The following SETDB2 variants were observed in gnomAD, a reference collection of about 807,000 sequenced individuals.
The protein encoded by SETDB2 is histone-lysine N-methyltransferase SETDB2.
In SETDB2, 56 loss-of-function variants were observed where a neutral mutation model predicts 82.5. The observed-to-expected ratio is 0.68, with a 90% CI of 0.55 to 0.85. SETDB2 has a LOEUF of 0.85. Ranked by LOEUF, SETDB2 falls within the 40% of genes least tolerant of loss-of-function variation. The probability of loss-of-function intolerance (pLI) is 0.00; values close to 1 mark genes in which losing one functional copy is unlikely to be tolerated. For missense variants in SETDB2, 677 were observed against 816.4 expected, an observed-to-expected ratio of 0.83 and a Z score of 2.08; for synonymous variants, 272 against 284.9, an observed-to-expected ratio of 0.95 and a Z score of 0.46.
intron 2 of SETDB2, among the ~76,000 whole-genome samples, chr13:49,459,238 A>G (rs1957946969): frequency 1.3e-5 from 2 of 152,208 alleles, no homozygotes; most frequent in South Asian, 4.1e-4. Context: ...CCCCTTATGC[A>G]GATTCTCCCT....
intron 4 of SETDB2, among the ~76,000 whole-genome samples, chr13:49,464,341 T>C (rs1352789138): frequency 6.6e-6 from 1 of 152,224 alleles, no homozygotes; most frequent in Admixed American, 6.5e-5. Flanking sequence ...GACAACTTCT[T>C]CCTGTATTTG....
At chr13:49,465,066 C>A (rs1958074733) in intron 4 of SETDB2, among the ~76,000 whole-genome samples, 1 of 123,178 alleles carries the variant, frequency 8.1e-6, no homozygotes, top group Non-Finnish European at 1.8e-5. Context: ...AGAGTGAGAC[C>A]CTGTCTAAAA....
chr13:49,466,811 C>CTTTTTTTTTTTTTT (rs3039228), intron 4 of SETDB2, among the ~76,000 whole-genome samples: 2 of 116,764 alleles, frequency 1.7e-5, no homozygotes, highest in African/African-American at 3.3e-5. Flanking sequence ...GCCTGGCTAA[C>CTTTTTTTTTTTTTT]TTTTTTTTTT....
chr13:49,481,033 A>G lies in SETDB2; in HGVS notation c.1073A>G (p.Gln358Arg). 4 of 1,614,238 alleles carry G rather than the reference A, an allele frequency of 2.5e-6. No homozygotes were observed. The highest frequency in any genetic ancestry group is 1.7e-6 in the Non-Finnish European group (2 of 1,180,014). The change falls in exon 8 of 14, where the codon CAG becomes CGG. Residue 358 changes from glutamine (Q) to arginine (R), a missense_variant. Transcript: ENST00000611815. ...CAACATGGTCCTCAAGTGAGGTTAC[A>G]GGTGTTCAAAACTGAGCAGAAGGGA... ...VVQHGPQVRL[Q>R]VFKTEQKGWG...
At chr13:49,463,540 A>C (rs1400262512) in intron 4 of SETDB2, among the ~76,000 whole-genome samples, 2 of 152,228 alleles carry the variant, frequency 1.3e-5, no homozygotes, top group African/African-American at 4.8e-5. Flanking sequence ...GTACAGAGGC[A>C]GAACAAAGAC....
Position 49,493,510 on chromosome 13 carries a change from T to G in SETDB2, c.*1661T>G, listed in dbSNP as rs1007163634. On this transcript the variant is annotated 3_prime_UTR_variant, in exon 14 of 14. Coordinates refer to ENST00000611815, the MANE Select transcript of SETDB2 (RefSeq NM_001160308.3). ...TTCCATCAGTACCCCAGAGATTCAC[T>G]TTGTCTCTTATGTGGGATCTGTTTC... 1.3e-5 allele frequency: 2 copies of G among 152,254 alleles called. No homozygotes were observed. Among genetic ancestry groups the G allele is most frequent in the Non-Finnish European group, 1.5e-5 (1 of 68,040 alleles). The allele number at this position is 152,254 out of a possible 1,614,324, so 9.4% of individuals were successfully genotyped here. A position where few individuals can be genotyped will look rare whatever the true frequency, so the allele number is the denominator to read the frequency against.
At chr13:49,449,125 TG>T (rs1479099348) in intron 1 of SETDB2, among the ~76,000 whole-genome samples, 1 of 152,264 alleles carries the variant, frequency 6.6e-6, no homozygotes, top group Non-Finnish European at 1.5e-5. Flanking sequence ...ATCTGGGTTT[TG>T]CTTGCCATCC....
At chr13:49,452,139 G>A (rs531299196) in intron 2 of SETDB2, among the ~76,000 whole-genome samples, 58 of 149,552 alleles carry the variant, frequency 3.9e-4, no homozygotes, top group African/African-American at 1.4e-3. Flanking sequence ...TTTTGGTGAT[G>A]GAGTCTCTGT....
At chr13:49,471,942 T>TTTTTA (rs1958256639) in intron 5 of SETDB2, among the ~76,000 whole-genome samples, 1 of 92,138 alleles carries the variant, frequency 1.1e-5, no homozygotes, top group African/African-American at 3.3e-5. Context: ...ATATTTTTTT[T>TTTTTA]TTTTTTTAAA....
intron 5 of SETDB2, among the ~76,000 whole-genome samples, chr13:49,470,859 C>T (rs1193315847): frequency 1.3e-5 from 2 of 152,056 alleles, no homozygotes; most frequent in African/African-American, 4.8e-5. Context: ...AAAGATTATA[C>T]AAACTATCAA....
chr13:49,475,297 G>C (rs1029425069), intron 5 of SETDB2, among the ~76,000 whole-genome samples: 1 of 152,030 alleles, frequency 6.6e-6, no homozygotes, highest in Non-Finnish European at 1.5e-5. Flanking sequence ...CCCACAACAC[G>C]TCGGAATTCA....
chr13:49,464,092 G>A (rs1251872112), intron 4 of SETDB2: 1 of 771,512 alleles, frequency 1.3e-6, no homozygotes, highest in Middle Eastern at 2.3e-4. Flanking sequence ...ACCCTAATAG[G>A]TGAAAGGGAG....
chr13:49,444,623 C>G lies in SETDB2; in HGVS notation c.-576C>G, dbSNP rs982516903. The G allele has an allele frequency of 6.4e-6, 1 of 155,800 alleles. No homozygotes were observed. The highest frequency in any genetic ancestry group is 2.4e-5 in the African/African-American group (1 of 41,462). The allele number at this position is 155,800 out of a possible 1,614,324, so 9.7% of individuals were successfully genotyped here. A position where few individuals can be genotyped will look rare whatever the true frequency, so the allele number is the denominator to read the frequency against. On this transcript the variant is annotated 5_prime_UTR_variant, in exon 1 of 14. Transcript: ENST00000611815. ...GCCCGAGCAGGGGCTGGACCCCAGCCCTTGCAGCCTCCCTTCTCCTGGCAC... is the reference window on the plus strand; with the variant it reads ...GCCCGAGCAGGGGCTGGACCCCAGCGCTTGCAGCCTCCCTTCTCCTGGCAC...
chr13:49,483,050 C>G, intron 9 of SETDB2, 88 bp downstream of exon 9: 1 of 827,360 alleles, frequency 1.2e-6, no homozygotes, highest in Non-Finnish European at 1.9e-6. Context: ...TTCTTTTCTC[C>G]TCATTTGTAT....
chr13:49,460,002 C>T (rs1159675649), intron 2 of SETDB2, 105 bp from the exon 3 acceptor site: 10 of 1,201,138 alleles, frequency 8.3e-6, no homozygotes, highest in African/African-American at 1.5e-5. Context: ...CCAGATGAGT[C>T]TTGATCTTGT....
chr13:49,453,752 A>G (rs1208283507), intron 2 of SETDB2, among the ~76,000 whole-genome samples: 1 of 152,188 alleles, frequency 6.6e-6, no homozygotes, highest in Non-Finnish European at 1.5e-5. Flanking sequence ...TTTCTTGAAT[A>G]ACCTGTCAAT....
At chr13:49,473,422 A>G (rs986252804) in intron 5 of SETDB2, among the ~76,000 whole-genome samples, 1 of 151,858 alleles carries the variant, frequency 6.6e-6, no homozygotes, top group Non-Finnish European at 1.5e-5. Flanking sequence ...TTTGTGACGC[A>G]TGCCTTTCGT....
chr13:49,470,006 C>T (rs1156411604), intron 5 of SETDB2, among the ~76,000 whole-genome samples: 2 of 152,154 alleles, frequency 1.3e-5, no homozygotes, highest in Non-Finnish European at 2.9e-5. Flanking sequence ...TTTATTAGCA[C>T]TTTTGGAAAC....
At chr13:49,468,098 T>A (rs1289844295) in intron 5 of SETDB2, 138 bp downstream of exon 5, 1 of 486,144 alleles carries the variant, frequency 2.1e-6, no homozygotes, top group African/African-American at 2.0e-5. Flanking sequence ...ATTTTAGTAT[T>A]TTATGTAAGA....
Sources: allele counts gnomAD v4.1 joint callset (sites outside exome capture counted in the v4.1 genomes callset), GRCh38; gene constraint gnomAD v4.1.1; transcripts MANE v1.5; gene names NCBI Gene and HGNC (gene_info 2026-07-23, HGNC 2026-07-21).